The following EDIL3 variants were observed in gnomAD, a reference collection of about 807,000 sequenced individuals.
EDIL3 encodes EGF-like repeat and discoidin I-like domain-containing protein 3.
A neutral mutation model predicts 67.4 loss-of-function variants in EDIL3; 37 were observed. The observed-to-expected ratio is 0.55, with a 90% CI of 0.42 to 0.72. The LOEUF (loss-of-function observed/expected upper bound fraction) is 0.72, where lower values mean the gene tolerates loss of function less well. Ranked by LOEUF, EDIL3 falls within the 30% of genes least tolerant of loss-of-function variation. EDIL3 has a pLI of 0.00. For synonymous variants in EDIL3, 195 were observed against 196.3 expected, an observed-to-expected ratio of 0.99 and a Z score of 0.05; for missense variants, 527 against 586.3, an observed-to-expected ratio of 0.90 and a Z score of 1.04.
intron 4 of EDIL3, among the ~76,000 whole-genome samples, chr5:84,172,456 T>C (rs1255782108): frequency 6.6e-6 from 1 of 151,912 alleles, no homozygotes. Flanking sequence ...GTGGCATGCC[T>C]ATGGTCCCAG....
At chr5:84,176,998 T>C (rs536111403) in intron 4 of EDIL3, among the ~76,000 whole-genome samples, 9 of 152,094 alleles carry the variant, frequency 5.9e-5, no homozygotes, top group Non-Finnish European at 1.2e-4. Context: ...CTGCTAAGGA[T>C]ACAAAACAGC....
intron 3 of EDIL3, among the ~76,000 whole-genome samples, chr5:84,211,369 C>T (rs1744114307): frequency 1.3e-5 from 2 of 152,202 alleles, no homozygotes; most frequent in Non-Finnish European, 2.9e-5. Flanking sequence ...CAGTCTGAGG[C>T]TCTTACCAGA....
chr5:84,026,877 G>A (rs1357046109), intron 9 of EDIL3, among the ~76,000 whole-genome samples: 1 of 152,032 alleles, frequency 6.6e-6, no homozygotes, highest in South Asian at 2.1e-4. Flanking sequence ...CTTGAGCCCA[G>A]GAGTTTGAGA....
intron 9 of EDIL3, among the ~76,000 whole-genome samples, chr5:84,004,792 C>A (rs2112173385): frequency 6.6e-6 from 1 of 152,054 alleles, no homozygotes; most frequent in Non-Finnish European, 1.5e-5. Context: ...ACAACAAGAG[C>A]AAACCAACCC....
chr5:83,976,945 A>G lies in EDIL3; in HGVS notation c.1138-13585T>C, dbSNP rs919011230. On this transcript the variant is annotated intron_variant, in intron 9 of 10. Transcript: ENST00000296591. The stretch of plus-strand genomic sequence containing the variant: ...AGTTACTTTATTTTTACTGCACCAT[A>G]ACATTCCATATATGCATAAATGACA... Among the ~76,000 whole-genome samples, 7 of 151,906 alleles carry G rather than the reference A, an allele frequency of 4.6e-5. 1 individual carries two copies. In the South Asian group the frequency reaches 1.4e-3, roughly 31 times the overall value.
chr5:84,130,865 C>G (rs1362066040), intron 5 of EDIL3, among the ~76,000 whole-genome samples: 2 of 152,032 alleles, frequency 1.3e-5, no homozygotes, highest in Non-Finnish European at 2.9e-5. Flanking sequence ...AAAAACACAG[C>G]AACTATCTCC....
At chr5:84,230,317 T>C (rs1380893936) in intron 2 of EDIL3, among the ~76,000 whole-genome samples, 1 of 152,060 alleles carries the variant, frequency 6.6e-6, no homozygotes, top group Non-Finnish European at 1.5e-5. Context: ...TTAAAAGTCA[T>C]GGCTGATGGT....
At chr5:84,335,328 T>C (rs1056128107) in intron 1 of EDIL3, among the ~76,000 whole-genome samples, 8 of 152,238 alleles carry the variant, frequency 5.3e-5, no homozygotes, top group Non-Finnish European at 7.3e-5. Flanking sequence ...GTCCCTGCTT[T>C]CCAGACATAT....
intron 1 of EDIL3, among the ~76,000 whole-genome samples, chr5:84,377,320 A>T (rs1288998298): frequency 6.6e-6 from 1 of 152,106 alleles, no homozygotes; most frequent in Non-Finnish European, 1.5e-5. Flanking sequence ...AAAAAAAAAA[A>T]AAAAAAGAGT....
chr5:84,242,824 A>AAAT (rs112282183), intron 2 of EDIL3, among the ~76,000 whole-genome samples: 3 of 142,764 alleles, frequency 2.1e-5, no homozygotes, highest in Non-Finnish European at 3.0e-5. Context: ...TTCCAAAGAA[A>AAAT]TATTATTATT....
chr5:84,247,034 A>C (rs1414667582), intron 2 of EDIL3, among the ~76,000 whole-genome samples: 1 of 152,196 alleles, frequency 6.6e-6, no homozygotes, highest in Non-Finnish European at 1.5e-5. Context: ...GTAAGTAAAC[A>C]TAACTGTGAA....
At chr5:83,988,655 C>T (rs370385867) in intron 9 of EDIL3, among the ~76,000 whole-genome samples, 1 of 152,138 alleles carries the variant, frequency 6.6e-6, no homozygotes, top group African/African-American at 2.4e-5. Flanking sequence ...CTGCCCCTGA[C>T]CTCCTTATAC....
chr5:84,263,594 G>C (rs557393748), intron 1 of EDIL3, among the ~76,000 whole-genome samples: 2 of 152,214 alleles, frequency 1.3e-5, no homozygotes, highest in Admixed American at 1.3e-4. Flanking sequence ...ATCATTGTTT[G>C]CTTTTTTGAA....
At chr5:84,289,624 T>C (rs1745875583) in intron 1 of EDIL3, among the ~76,000 whole-genome samples, 2 of 152,182 alleles carry the variant, frequency 1.3e-5, no homozygotes. Flanking sequence ...TGGGTATTCC[T>C]TGGTCTTTAT....
rs146078178 is a variant in EDIL3 at position 84,071,247 on chromosome 5, A to G, written c.652-4641T>C. Among the ~76,000 whole-genome samples the G allele has an allele frequency of 6.8e-4, 103 of 152,352 alleles. 3 individuals are homozygous for G. The highest frequency in any genetic ancestry group is 2.4e-3 in the African/African-American group (99 of 41,590). On this transcript the variant is annotated intron_variant, in intron 6 of 10. Transcript: ENST00000296591. Reference sequence around the variant, plus strand: ...TTCTGCTATAAGGTATCCTCTCTACATCAACTCAATCCATTTGTAGTAGCT... The same window carrying G: ...TTCTGCTATAAGGTATCCTCTCTACGTCAACTCAATCCATTTGTAGTAGCT...
intron 6 of EDIL3, among the ~76,000 whole-genome samples, chr5:84,100,171 T>C (rs772149196): frequency 2.0e-5 from 3 of 152,158 alleles, no homozygotes; most frequent in African/African-American, 4.8e-5. Context: ...AGTGTGGTGA[T>C]TCCTTAAGGA....
chr5:84,107,131 T>G (rs1393553302), intron 5 of EDIL3, among the ~76,000 whole-genome samples: 3 of 152,116 alleles, frequency 2.0e-5, no homozygotes, highest in Non-Finnish European at 4.4e-5. Flanking sequence ...AACAAAAGCA[T>G]AATGCTCTTA....
chr5:84,290,220 C>T (rs972717202), intron 1 of EDIL3, among the ~76,000 whole-genome samples: 2 of 152,142 alleles, frequency 1.3e-5, no homozygotes, highest in Non-Finnish European at 2.9e-5. Flanking sequence ...AAGCACAACC[C>T]CCTTGTCTCA....
intron 1 of EDIL3, among the ~76,000 whole-genome samples, chr5:84,282,085 C>T (rs1297937604): frequency 6.6e-6 from 1 of 151,184 alleles, no homozygotes; most frequent in Non-Finnish European, 1.5e-5. Context: ...GTTGGCCAGG[C>T]TGGTCTCGAA....
Sources: gnomAD v4.1 joint callset for allele counts (sites outside exome capture counted in the v4.1 genomes callset) on GRCh38, gnomAD v4.1.1 for gene constraint, MANE v1.5 for transcripts, NCBI Gene and HGNC (gene_info 2026-07-23, HGNC 2026-07-21) for gene names.